The following EYS variants were observed in gnomAD, a reference collection of about 807,000 sequenced individuals.
EYS encodes protein eyes shut homolog.
EYS carries 250 observed loss-of-function variants against 282.1 expected under a neutral mutation model. The observed-to-expected ratio is 0.89, with a 90% CI of 0.80 to 0.98. The LOEUF (loss-of-function observed/expected upper bound fraction) is 0.98. Ranked by LOEUF, EYS falls within the 50% of genes least tolerant of loss-of-function variation. EYS has a pLI of 0.00. For missense variants in EYS, 4,016 were observed against 3,709.0 expected (o/e 1.08, Z -2.15); for synonymous variants, 1,355 against 1,282.9 (o/e 1.06, Z -1.20).
At chr6:64,469,920 C>T (rs774706704) in intron 26 of EYS, among the ~76,000 whole-genome samples, 1 of 152,118 alleles carries the variant, frequency 6.6e-6, no homozygotes, top group Non-Finnish European at 1.5e-5. Context: ...AGTGAAAGTA[C>T]TAAAAGTCTC....
At chr6:64,477,578 C>T (rs1258213187) in intron 26 of EYS, among the ~76,000 whole-genome samples, 1 of 152,074 alleles carries the variant, frequency 6.6e-6, no homozygotes, top group Non-Finnish European at 1.5e-5. Flanking sequence ...TGACCCACGG[C>T]CACCCTTTTA....
chr6:64,082,062 A>G, intron 31 of EYS, 60 bp from the exon 32 acceptor site: 2 of 1,163,424 alleles, frequency 1.7e-6, no homozygotes, highest in Non-Finnish European at 1.2e-6. Flanking sequence ...TCAAGTAGAT[A>G]AAAACTTAGC....
At chr6:64,156,022 ATGTGTGTGTGTGTG>A (rs140713143) in intron 31 of EYS, among the ~76,000 whole-genome samples, 2 of 146,884 alleles carry the variant, frequency 1.4e-5, no homozygotes, top group Non-Finnish European at 3.0e-5. Context: ...GTGTATGTTT[ATGTGTGTGTGTGTG>A]TGTGTTTGTG....
At chr6:63,871,890 G>A (rs1215332985) in intron 35 of EYS, among the ~76,000 whole-genome samples, 1 of 152,046 alleles carries the variant, frequency 6.6e-6, no homozygotes, top group Non-Finnish European at 1.5e-5. Flanking sequence ...GGCACGCGCA[G>A]GAAACTCAGT....
At chr6:65,600,981 T>C (rs931448139) in intron 2 of EYS, among the ~76,000 whole-genome samples, 3 of 151,958 alleles carry the variant, frequency 2.0e-5, no homozygotes, top group East Asian at 3.9e-4. Flanking sequence ...TATTTCTTTA[T>C]ATGAGTTATT....
chr6:64,958,513 C>A (rs1049752079), intron 14 of EYS, among the ~76,000 whole-genome samples: 1 of 151,582 alleles, frequency 6.6e-6, no homozygotes, highest in Non-Finnish European at 1.5e-5. Flanking sequence ...TTTGGGAGGC[C>A]GAGGCGGGTG....
chr6:64,051,460 T>G (rs1417853370), intron 33 of EYS, among the ~76,000 whole-genome samples: 1 of 152,140 alleles, frequency 6.6e-6, no homozygotes, highest in Non-Finnish European at 1.5e-5. Flanking sequence ...ACAGGGTCTA[T>G]CAATGTAGAA....
rs117366095 is a variant in EYS, at chr6:64,147,625, T to A, written c.6425-65623A>T. On this transcript the variant is annotated intron_variant, in intron 31 of 42. Transcript: ENST00000503581. ...TTCTAAAGTTTACCAACACTTCATC[T>A]GTCTCTCCTGTGATTTCAGAACAAG... Among the ~76,000 whole-genome samples, 126 of 152,314 alleles carry A rather than the reference T, an allele frequency of 8.3e-4. 1 individual carries two copies. The East Asian group carries it at 0.021, about 25-fold the overall frequency.
At chr6:65,317,041 A>G (rs1562092308) in intron 11 of EYS, among the ~76,000 whole-genome samples, 1 of 152,192 alleles carries the variant, frequency 6.6e-6, no homozygotes, top group Admixed American at 6.5e-5. Flanking sequence ...TATTGTATCT[A>G]TATTTATAAC....
At chr6:64,149,729 A>T (rs1052690197) in intron 31 of EYS, among the ~76,000 whole-genome samples, 4 of 152,200 alleles carry the variant, frequency 2.6e-5, no homozygotes, top group African/African-American at 9.7e-5. Context: ...AATGTGAAGG[A>T]GACAATATTC....
intron 31 of EYS, among the ~76,000 whole-genome samples, chr6:64,084,472 C>G (rs1414614353): frequency 6.6e-6 from 1 of 152,150 alleles, no homozygotes; most frequent in Non-Finnish European, 1.5e-5. Context: ...AGAACACAGG[C>G]TGTCTGTGTT....
chr6:65,516,854 A>T (rs1767154941), intron 2 of EYS, among the ~76,000 whole-genome samples: 1 of 152,090 alleles, frequency 6.6e-6, no homozygotes, highest in Admixed American at 6.6e-5. Flanking sequence ...AAAACAAATT[A>T]GATTCTACTC....
At chr6:64,640,953 C>G (rs4604253) in intron 22 of EYS, among the ~76,000 whole-genome samples, 1 of 151,964 alleles carries the variant, frequency 6.6e-6, no homozygotes, top group Non-Finnish European at 1.5e-5. Context: ...CATTCATTAA[C>G]GACATGACAT....
intron 12 of EYS, among the ~76,000 whole-genome samples, chr6:65,264,044 A>G (rs1236937150): frequency 2.0e-5 from 3 of 152,098 alleles, no homozygotes; most frequent in African/African-American, 7.2e-5. Flanking sequence ...CAAATTAGAC[A>G]TTTAAATTTT....
intron 32 of EYS, 23 bp downstream of exon 32, chr6:64,081,833 G>C: frequency 2.1e-6 from 3 of 1,440,848 alleles, no homozygotes; most frequent in Non-Finnish European, 2.8e-6. Context: ...TGACATACAA[G>C]AAGTCAAACA....
chr6:64,485,468 C>G (rs990442779), intron 26 of EYS, among the ~76,000 whole-genome samples: 1 of 151,508 alleles, frequency 6.6e-6, no homozygotes, highest in Non-Finnish European at 1.5e-5. Flanking sequence ...TATGTTTTTG[C>G]TCAATAGGCA....
intron 12 of EYS, among the ~76,000 whole-genome samples, chr6:65,227,577 A>C (rs902298818): frequency 5.3e-5 from 8 of 152,174 alleles, no homozygotes; most frequent in African/African-American, 1.9e-4. Flanking sequence ...TTCTAGGTAT[A>C]AATAAACGAA....
At chr6:64,151,363 A>ATATTTATATATATATATAT (rs1491135650) in intron 31 of EYS, among the ~76,000 whole-genome samples, 4 of 62,854 alleles carry the variant, frequency 6.4e-5, no homozygotes, top group African/African-American at 2.8e-4. Context: ...ATATATATAT[A>ATATTTATATATATATATAT]ATTTTTTTTT....
chr6:65,507,833 C>T (rs1424172381), intron 2 of EYS, among the ~76,000 whole-genome samples: 1 of 151,626 alleles, frequency 6.6e-6, no homozygotes, highest in African/African-American at 2.4e-5. Context: ...TTTGTTCTTG[C>T]ATTCTGTCTT....
Sources: gnomAD v4.1 joint callset for allele counts (sites outside exome capture counted in the v4.1 genomes callset) on GRCh38, gnomAD v4.1.1 for gene constraint, MANE v1.5 for transcripts, NCBI Gene and HGNC (gene_info 2026-07-23, HGNC 2026-07-21) for gene names.